LIMS1: variants seen among roughly 807,000 people sequenced by gnomAD.
LIMS1 encodes the protein LIM zinc finger domain containing 1, also known as LIM and senescent cell antigen-like-containing domain protein 1.
Under a neutral mutation model 44.1 loss-of-function variants are expected in LIMS1, and 18 were observed. The observed-to-expected ratio is 0.41, with a 90% CI of 0.28 to 0.61. The LOEUF (loss-of-function observed/expected upper bound fraction) is 0.61. LIMS1 is among the 20% of genes least tolerant of loss of function. The pLI is 0.32. For synonymous variants in LIMS1, 93 were observed against 149.1 expected, an observed-to-expected ratio of 0.62 and a Z score of 2.74; for missense variants, 201 against 422.0, an observed-to-expected ratio of 0.48 and a Z score of 4.59.
At chr2:108,603,383 T>C (rs1051680748) in intron 1 of LIMS1, among the ~76,000 whole-genome samples, 16 of 152,180 alleles carry the variant, frequency 1.1e-4, no homozygotes, top group Non-Finnish European at 2.9e-5. Flanking sequence ...TATCTAGGAA[T>C]TTTTCCATTC....
chr2:108,618,918 A>G (rs968337150), intron 1 of LIMS1, among the ~76,000 whole-genome samples: 1 of 152,052 alleles, frequency 6.6e-6, no homozygotes, highest in African/African-American at 2.4e-5. Context: ...TCATCAGAAC[A>G]TAAGCATTGA....
At chr2:108,537,679 C>A (rs1357551838) in intron 1 of LIMS1, among the ~76,000 whole-genome samples, 1 of 152,206 alleles carries the variant, frequency 6.6e-6, no homozygotes, top group African/African-American at 2.4e-5. Flanking sequence ...CCGGTTTTTG[C>A]AGGCTTAGAG....
intron 1 of LIMS1, among the ~76,000 whole-genome samples, chr2:108,610,148 ATGTGTGTGTGTGTGT>A (rs1220358961): frequency 1.4e-5 from 2 of 143,390 alleles, no homozygotes; most frequent in Non-Finnish European, 3.0e-5. Flanking sequence ...GTTACAAAAA[ATGTGTGTGTGTGTGT>A]GTGTGTGTGT....
intron 1 of LIMS1, among the ~76,000 whole-genome samples, chr2:108,608,923 A>C (rs967522887): frequency 7.9e-5 from 12 of 152,208 alleles, no homozygotes; most frequent in African/African-American, 2.9e-4. Context: ...TACTGCCACT[A>C]GAACGAGATG....
intron 1 of LIMS1, among the ~76,000 whole-genome samples, chr2:108,600,891 T>TTCTTCTCTTC (rs150372618): frequency 0.072 from 6,510 of 90,772 alleles, 179 homozygotes; most frequent in Middle Eastern, 0.098. Flanking sequence ...GAATTGTTCG[T>TTCTTCTCTTC]TCTTCTCTTC....
At chr2:108,604,122 T>A (rs964665388) in intron 1 of LIMS1, among the ~76,000 whole-genome samples, 1 of 152,208 alleles carries the variant, frequency 6.6e-6, no homozygotes, top group African/African-American at 2.4e-5. Context: ...TTCCTTTCCA[T>A]GTATTTATAT....
intron 1 of LIMS1, among the ~76,000 whole-genome samples, chr2:108,637,635 AAC>A (rs1284052571): frequency 1.3e-5 from 2 of 152,192 alleles, no homozygotes; most frequent in African/African-American, 4.8e-5. Context: ...CTGTATTGGA[AAC>A]ACAGCTTCCT....
intron 2 of LIMS1, among the ~76,000 whole-genome samples, chr2:108,667,779 C>G (rs984390866): frequency 3.3e-5 from 5 of 151,818 alleles, no homozygotes; most frequent in Non-Finnish European, 5.9e-5. Flanking sequence ...TTTGAATGCT[C>G]AAGTCCCTGA....
chr2:108,536,232 A>G (rs1684135739), intron 1 of LIMS1, among the ~76,000 whole-genome samples: 1 of 152,190 alleles, frequency 6.6e-6, no homozygotes, highest in Non-Finnish European at 1.5e-5. Flanking sequence ...AGTTCATTCA[A>G]ATTATTGTGC....
chr2:108,625,942 G>A (rs910702391), intron 1 of LIMS1, among the ~76,000 whole-genome samples: 2 of 152,184 alleles, frequency 1.3e-5, no homozygotes, highest in Non-Finnish European at 2.9e-5. Context: ...ACCATTAATT[G>A]AACCCCTGTT....
At chr2:108,611,836 A>AATATATATAT (rs138970063) in intron 1 of LIMS1, among the ~76,000 whole-genome samples, 20,944 of 130,558 alleles carry the variant, frequency 0.16, 2,208 homozygotes, top group South Asian at 0.25. Flanking sequence ...CATGATCTAA[A>AATATATATAT]ATATATATAT....
Position 108,535,954 on chromosome 2 carries a change from AAG to A in LIMS1, c.32+1363_32+1364del, listed in dbSNP as rs1684121619. 2.0e-5 allele frequency among the ~76,000 whole-genome samples: 3 copies of A among 152,130 alleles called. 1 individual carries two copies. The South Asian group carries it at 6.2e-4, about 31-fold the overall frequency. ...TGCCATTTGGTCACAAGTAACAAAA[AAG>A]AGTCAAAGCTCAAGATTTGATAACA... On this transcript the variant is annotated intron_variant, in intron 1 of 9. Transcript: ENST00000544547.
chr2:108,535,389 C>G (rs1684096173), intron 1 of LIMS1, among the ~76,000 whole-genome samples: 1 of 152,230 alleles, frequency 6.6e-6, no homozygotes, highest in African/African-American at 2.4e-5. Flanking sequence ...TGTCAGCGGA[C>G]TTTTCACACA....
At chr2:108,657,315 T>A (rs1375698802) in intron 1 of LIMS1, among the ~76,000 whole-genome samples, 1 of 152,278 alleles carries the variant, frequency 6.6e-6, no homozygotes, top group Non-Finnish European at 1.5e-5. Flanking sequence ...TGGGCTTTTT[T>A]AGAGTCCCAT....
chr2:108,632,816 A>G (rs1689007385), intron 1 of LIMS1, among the ~76,000 whole-genome samples: 1 of 152,196 alleles, frequency 6.6e-6, no homozygotes, highest in Admixed American at 6.5e-5. Flanking sequence ...ATATTAAACC[A>G]AAAGGAAGGT....
rs539749230 is a variant in LIMS1, at chr2:108,606,953, G to A, written c.33-52652G>A. ...ATGAGGCCACACAGGTGAGTATGCAGTAAAGGGTATGTCTCATGTACCATG... is the reference window on the plus strand; with the variant it reads ...ATGAGGCCACACAGGTGAGTATGCAATAAAGGGTATGTCTCATGTACCATG... On this transcript the variant is annotated intron_variant, in intron 1 of 9. Transcript: ENST00000544547. Among the ~76,000 whole-genome samples, 11 of 152,368 alleles carry A rather than the reference G, an allele frequency of 7.2e-5. No homozygotes were observed. The East Asian group carries it at 1.7e-3, about 24-fold the overall frequency.
intron 2 of LIMS1, chr2:108,660,366 GGT>G (rs1163072224): frequency 2.8e-5 from 13 of 460,736 alleles, no homozygotes; most frequent in Non-Finnish European, 5.3e-5. Context: ...GTTAGCATAT[GGT>G]CTGCACTTCC....
intron 1 of LIMS1, among the ~76,000 whole-genome samples, chr2:108,653,188 TCC>T (rs1356521484): frequency 1.3e-5 from 2 of 151,496 alleles, no homozygotes; most frequent in Non-Finnish European, 2.9e-5. Context: ...CCATTGTGCT[TCC>T]CAGTAATTAT....
intron 1 of LIMS1, among the ~76,000 whole-genome samples, chr2:108,551,855 TGTA>T (rs1448951785): frequency 6.8e-6 from 1 of 146,202 alleles, no homozygotes; most frequent in Non-Finnish European, 1.5e-5. Context: ...ATATATACTA[TGTA>T]GTATATATGT....
Sources: allele counts gnomAD v4.1 joint callset (sites outside exome capture counted in the v4.1 genomes callset), GRCh38; gene constraint gnomAD v4.1.1; transcripts MANE v1.5; gene names NCBI Gene and HGNC (gene_info 2026-07-23, HGNC 2026-07-21).